The following LDLRAD4 variants were observed in gnomAD, a reference collection of about 807,000 sequenced individuals.
The protein encoded by LDLRAD4 is low density lipoprotein receptor class A domain containing 4, also known as low-density lipoprotein receptor class A domain-containing protein 4.
Under a neutral mutation model 17.0 loss-of-function variants are expected in LDLRAD4, and 5 were observed. The observed-to-expected ratio is 0.29, with a 90% CI of 0.15 to 0.62. The LOEUF (loss-of-function observed/expected upper bound fraction) is 0.62. Among genes scored for constraint, LDLRAD4 ranks in the 20% least tolerant of loss-of-function variants. The pLI, the probability that LDLRAD4 is intolerant of heterozygous loss-of-function variation, is 0.84. For synonymous variants in LDLRAD4, 168 were observed against 171.8 expected (o/e 0.98, Z 0.17); for missense variants, 340 against 424.7 (o/e 0.80, Z 1.75).
chr18:13,633,047 C>G (rs530333548), intron 4 of LDLRAD4, among the ~76,000 whole-genome samples: 1 of 152,194 alleles, frequency 6.6e-6, no homozygotes, highest in African/African-American at 2.4e-5. Context: ...AGCTCCTTTC[C>G]CCAGACAGGT....
chr18:13,251,378 G>A (rs1027476624), intron 1 of LDLRAD4, among the ~76,000 whole-genome samples: 19 of 152,298 alleles, frequency 1.2e-4, no homozygotes, highest in African/African-American at 3.4e-4. Flanking sequence ...CATAGCCAGA[G>A]CAGTCAGGCA....
intron 4 of LDLRAD4, chr18:13,642,044 G>T (rs1044054085): frequency 2.0e-6 from 2 of 985,340 alleles, no homozygotes; most frequent in Non-Finnish European, 2.4e-6. Flanking sequence ...CCCCGCCCTC[G>T]TCTGTGCCTG....
intron 3 of LDLRAD4, among the ~76,000 whole-genome samples, chr18:13,524,103 C>T (rs534616159): frequency 3.3e-5 from 5 of 152,236 alleles, no homozygotes; most frequent in South Asian, 2.1e-4. Context: ...GTCAGCACCT[C>T]GGTCTTCCAG....
chr18:13,389,075 A>G (rs1008883257), intron 2 of LDLRAD4, among the ~76,000 whole-genome samples: 4 of 152,164 alleles, frequency 2.6e-5, no homozygotes, highest in African/African-American at 9.7e-5. Flanking sequence ...GCCCATGTGG[A>G]TGAACTCTGC....
At chr18:13,233,170 G>A (rs75521267) in intron 1 of LDLRAD4, among the ~76,000 whole-genome samples, 1 of 152,252 alleles carries the variant, frequency 6.6e-6, no homozygotes, top group Admixed American at 6.5e-5. Flanking sequence ...GTGAGCGGGC[G>A]AAGTGCTCTT....
At chr18:13,594,471 CTT>C (rs1056145764) in intron 3 of LDLRAD4, among the ~76,000 whole-genome samples, 1 of 151,808 alleles carries the variant, frequency 6.6e-6, no homozygotes, top group Non-Finnish European at 1.5e-5. Flanking sequence ...GGACGGATCA[CTT>C]AAGGCCAGCA....
At chr18:13,418,414 T>C (rs1228383597) in intron 2 of LDLRAD4, among the ~76,000 whole-genome samples, 2 of 152,250 alleles carry the variant, frequency 1.3e-5, no homozygotes, top group Non-Finnish European at 2.9e-5. Context: ...GAGGCAAGCC[T>C]CTTCCGGGTC....
chr18:13,558,890 T>TG (rs2094512054), intron 3 of LDLRAD4, among the ~76,000 whole-genome samples: 1 of 107,672 alleles, frequency 9.3e-6, no homozygotes, highest in Non-Finnish European at 1.9e-5. Context: ...GCCCTCCCCC[T>TG]GCCCCTCTAC....
At chr18:13,243,628 G>A (rs538813047) in intron 1 of LDLRAD4, among the ~76,000 whole-genome samples, 61 of 133,426 alleles carry the variant, frequency 4.6e-4, no homozygotes, top group African/African-American at 1.7e-3. Context: ...AGCCACCCAC[G>A]CACCCGCACA....
At chr18:13,282,824 G>A (rs989135260) in intron 1 of LDLRAD4, among the ~76,000 whole-genome samples, 1 of 152,214 alleles carries the variant, frequency 6.6e-6, no homozygotes, top group African/African-American at 2.4e-5. Flanking sequence ...CCCTAGCAGA[G>A]GTTCTCCATG....
chr18:13,596,211 G>T (rs2095094019), intron 3 of LDLRAD4, among the ~76,000 whole-genome samples: 1 of 151,998 alleles, frequency 6.6e-6, no homozygotes, highest in Non-Finnish European at 1.5e-5. Flanking sequence ...TATGACTGTT[G>T]TTTGTATATC....
intron 1 of LDLRAD4, among the ~76,000 whole-genome samples, chr18:13,237,462 G>A (rs901550808): frequency 2.6e-5 from 4 of 152,236 alleles, no homozygotes; most frequent in African/African-American, 9.6e-5. Context: ...GACAGTGACT[G>A]CCGGGTGGCT....
At chr18:13,544,791 G>A (rs2147991200) in intron 3 of LDLRAD4, among the ~76,000 whole-genome samples, 1 of 151,946 alleles carries the variant, frequency 6.6e-6, no homozygotes, top group South Asian at 2.1e-4. Flanking sequence ...CCAAGGAGAG[G>A]CTAGGTCCAA....
intron 3 of LDLRAD4, among the ~76,000 whole-genome samples, chr18:13,442,490 G>A (rs2091090371): frequency 6.6e-6 from 1 of 152,230 alleles, no homozygotes; most frequent in Non-Finnish European, 1.5e-5. Flanking sequence ...TGGGACAGAA[G>A]GACATGGCTG....
At chr18:13,303,475 C>T (rs1056334384) in intron 1 of LDLRAD4, among the ~76,000 whole-genome samples, 11 of 152,096 alleles carry the variant, frequency 7.2e-5, no homozygotes, top group Non-Finnish European at 8.8e-5. Flanking sequence ...CTTCCCTGCC[C>T]TCCTTCTCTC....
Position 13,247,943 on chromosome 18 carries a change from A to C in LDLRAD4, c.-467+28955A>C, listed in dbSNP as rs1185289727. Among the ~76,000 whole-genome samples the C allele has an allele frequency of 3.1e-5, 4 of 129,780 alleles. No homozygotes were observed. In the East Asian group the frequency reaches 9.8e-4, roughly 32 times the overall value. 85.1% of individuals were successfully genotyped at this position (129,780 alleles called of 152,430 possible). On this transcript the variant is annotated intron_variant, in intron 1 of 5. Transcript: ENST00000399848. ...GTTCAGAAAACCTGTCCAACTGCAC[A>C]CAGCGCCGCCCCCCGCCTTTTTTTT...
intron 1 of LDLRAD4, among the ~76,000 whole-genome samples, chr18:13,297,517 C>A (rs1047505677): frequency 6.6e-6 from 1 of 152,176 alleles, no homozygotes; most frequent in Non-Finnish European, 1.5e-5. Flanking sequence ...ATGTTGGGCC[C>A]AGTGCAGTGG....
chr18:13,454,347 C>T (rs2092006625), intron 3 of LDLRAD4, among the ~76,000 whole-genome samples: 1 of 152,014 alleles, frequency 6.6e-6, no homozygotes, highest in African/African-American at 2.4e-5. Flanking sequence ...TCCAGTATAC[C>T]ACATTTAAAG....
chr18:13,426,688 A>G (rs906276860), intron 2 of LDLRAD4, among the ~76,000 whole-genome samples: 1 of 152,236 alleles, frequency 6.6e-6, no homozygotes, highest in African/African-American at 2.4e-5. Flanking sequence ...CCAAGTCTCC[A>G]TCTGGGAAGG....
Sources: allele counts gnomAD v4.1 joint callset (sites outside exome capture counted in the v4.1 genomes callset), GRCh38; gene constraint gnomAD v4.1.1; transcripts MANE v1.5; gene names NCBI Gene and HGNC (gene_info 2026-07-23, HGNC 2026-07-21).